The following FOXP1 variants were observed in gnomAD, a reference collection of about 807,000 sequenced individuals.
The protein encoded by FOXP1 is forkhead box protein P1.
Under a neutral mutation model 98.2 loss-of-function variants are expected in FOXP1, and 15 were observed. That is an observed-to-expected ratio of 0.15 (90% CI 0.10 to 0.24). FOXP1 has a LOEUF of 0.24. FOXP1 is among the 10% of genes least tolerant of loss of function. The pLI, the probability that FOXP1 is intolerant of heterozygous loss-of-function variation, is 1.00. For synonymous variants in FOXP1, 371 were observed against 314.5 expected, an observed-to-expected ratio of 1.18 and a Z score of -1.90; for missense variants, 633 against 848.5, an observed-to-expected ratio of 0.75 and a Z score of 3.15.
At chr3:71,164,851 TC>T (rs2061326778) in intron 6 of FOXP1, among the ~76,000 whole-genome samples, 1 of 152,062 alleles carries the variant, frequency 6.6e-6, no homozygotes, top group Non-Finnish European at 1.5e-5. Flanking sequence ...AAATCCAATG[TC>T]CCCCCTCTTC....
intron 2 of FOXP1, among the ~76,000 whole-genome samples, chr3:71,578,004 A>G (rs1307687492): frequency 1.3e-5 from 2 of 152,216 alleles, no homozygotes; most frequent in East Asian, 3.8e-4. Context: ...GGCATTTACT[A>G]TGACTGAAAT....
chr3:71,545,859 C>T (rs1316226739), intron 2 of FOXP1, among the ~76,000 whole-genome samples: 3 of 152,226 alleles, frequency 2.0e-5, no homozygotes, highest in Non-Finnish European at 4.4e-5. Context: ...TAATCACACT[C>T]TCCCTGGTTT....
chr3:71,552,308 T>C (rs1560648920), intron 2 of FOXP1, among the ~76,000 whole-genome samples: 1 of 151,884 alleles, frequency 6.6e-6, no homozygotes, highest in Non-Finnish European at 1.5e-5. Flanking sequence ...TAATCAAATA[T>C]AAAATGTACA....
At chr3:71,019,274 G>C (rs1384378404) in intron 11 of FOXP1, among the ~76,000 whole-genome samples, 2 of 152,206 alleles carry the variant, frequency 1.3e-5, no homozygotes, top group Non-Finnish European at 2.9e-5. Context: ...AAATAAAGCA[G>C]TGAGCCTAAT....
intron 7 of FOXP1, among the ~76,000 whole-genome samples, chr3:71,077,378 T>A (rs2107489688): frequency 6.6e-6 from 1 of 152,310 alleles, no homozygotes; most frequent in South Asian, 2.1e-4. Flanking sequence ...ACTTGTTCCT[T>A]ATGACCTAAG....
At chr3:71,557,459 T>C (rs375164706) in intron 2 of FOXP1, among the ~76,000 whole-genome samples, 1 of 149,824 alleles carries the variant, frequency 6.7e-6, no homozygotes, top group East Asian at 2.0e-4. Flanking sequence ...CCTGAGAAAA[T>C]GTCCTCCAAA....
chr3:71,106,773 ATTTTTTT>A (rs59989388), intron 7 of FOXP1, among the ~76,000 whole-genome samples: 2 of 136,950 alleles, frequency 1.5e-5, no homozygotes, highest in Non-Finnish European at 3.1e-5. Flanking sequence ...TCAAATAGGG[ATTTTTTT>A]TTTTTTTTTT....
In FOXP1 at chr3:70,979,849, G is replaced by T. The variant is rs1422233679; in HGVS notation, c.1147-1820C>A. Among the ~76,000 whole-genome samples the T allele has an allele frequency of 4.7e-5, 7 of 150,526 alleles. No homozygotes were observed. In the South Asian group the frequency reaches 1.2e-3, roughly 27 times the overall value. ...TGTTTCAGGAGAGTTTCATAAAAAA[G>T]CAATGAACCTGAAGAAAAGAAAGAT... On this transcript the variant is annotated intron_variant, in intron 14 of 20. Coordinates refer to ENST00000649528, the MANE Select transcript of FOXP1 (RefSeq NM_001349338.3).
chr3:71,394,891 G>C (rs1446987199), intron 3 of FOXP1, among the ~76,000 whole-genome samples: 1 of 151,810 alleles, frequency 6.6e-6, no homozygotes, highest in Non-Finnish European at 1.5e-5. Flanking sequence ...ACCTGAGGTC[G>C]GGAGTTCGAG....
At chr3:71,409,445 A>G (rs1395407287) in intron 3 of FOXP1, among the ~76,000 whole-genome samples, 1 of 152,212 alleles carries the variant, frequency 6.6e-6, no homozygotes, top group East Asian at 1.9e-4. Flanking sequence ...TGAATGAATG[A>G]ATATGCTAAT....
intron 9 of FOXP1, among the ~76,000 whole-genome samples, chr3:71,051,287 A>T (rs1027992085): frequency 6.6e-6 from 1 of 152,074 alleles, no homozygotes; most frequent in East Asian, 1.9e-4. Flanking sequence ...TTGTGTCAGC[A>T]TTTTCATTAA....
At chr3:71,389,028 T>G (rs941538851) in intron 3 of FOXP1, among the ~76,000 whole-genome samples, 2 of 152,112 alleles carry the variant, frequency 1.3e-5, no homozygotes, top group African/African-American at 4.8e-5. Context: ...ATAAAGGTTC[T>G]CAGAATCTTT....
chr3:71,201,319 C>G (rs11923244), intron 5 of FOXP1, among the ~76,000 whole-genome samples: 11,714 of 152,278 alleles, frequency 0.077, 652 homozygotes, highest in East Asian at 0.3. Context: ...GCGTTTCAGT[C>G]TCTCTTCCAC....
intron 2 of FOXP1, among the ~76,000 whole-genome samples, chr3:71,530,154 C>T (rs755566203): frequency 3.3e-5 from 5 of 152,116 alleles, no homozygotes; most frequent in South Asian, 2.1e-4. Context: ...TAAGTTTATG[C>T]GTAGAATCTT....
intron 7 of FOXP1, among the ~76,000 whole-genome samples, chr3:71,090,507 G>T (rs7647654): frequency 6.6e-6 from 1 of 152,144 alleles, no homozygotes; most frequent in African/African-American, 2.4e-5. Flanking sequence ...TAACTAGAAG[G>T]CTTGATGAAA....
intron 5 of FOXP1, among the ~76,000 whole-genome samples, chr3:71,271,859 G>A (rs1297629423): frequency 6.6e-6 from 1 of 152,184 alleles, no homozygotes. Flanking sequence ...TGTTACAGAA[G>A]CAACATGTTA....
chr3:71,182,997 T>C (rs966041035), intron 6 of FOXP1, among the ~76,000 whole-genome samples: 1 of 152,148 alleles, frequency 6.6e-6, no homozygotes, highest in Non-Finnish European at 1.5e-5. Flanking sequence ...GGGTATATAA[T>C]TAATATTATA....
intron 5 of FOXP1, among the ~76,000 whole-genome samples, chr3:71,237,933 G>A (rs1214168807): frequency 3.3e-5 from 5 of 152,194 alleles, no homozygotes; most frequent in Non-Finnish European, 5.9e-5. Flanking sequence ...GGAGAAGGAA[G>A]AGAAGGTGGC....
At chr3:71,231,797 A>T (rs1235607724) in intron 5 of FOXP1, among the ~76,000 whole-genome samples, 1 of 152,258 alleles carries the variant, frequency 6.6e-6, no homozygotes, top group East Asian at 1.9e-4. Flanking sequence ...TGGTCTATGG[A>T]GATATCAAAG....
Sources: allele counts gnomAD v4.1 joint callset (sites outside exome capture counted in the v4.1 genomes callset), GRCh38; gene constraint gnomAD v4.1.1; transcripts MANE v1.5; gene names NCBI Gene and HGNC (gene_info 2026-07-23, HGNC 2026-07-21).